The following CCSER1 variants were observed in gnomAD, a reference collection of about 807,000 sequenced individuals.
CCSER1 encodes the protein serine-rich coiled-coil domain-containing protein 1.
Under a neutral mutation model 82.0 loss-of-function variants are expected in CCSER1, and 41 were observed. The observed-to-expected ratio is 0.50, with a 90% CI of 0.39 to 0.65. The LOEUF (loss-of-function observed/expected upper bound fraction) is 0.65, where lower values mean the gene tolerates loss of function less well. Among genes scored for constraint, CCSER1 ranks in the 30% least tolerant of loss-of-function variants. The probability of loss-of-function intolerance (pLI) is 0.00; values close to 1 mark genes in which losing one functional copy is unlikely to be tolerated. For synonymous variants in CCSER1, 414 were observed against 383.9 expected, an observed-to-expected ratio of 1.08 and a Z score of -0.92; for missense variants, 1,119 against 1,064.2, an observed-to-expected ratio of 1.05 and a Z score of -0.72.
intron 9 of CCSER1, among the ~76,000 whole-genome samples, chr4:91,066,838 A>ACC (rs1456114524): frequency 6.6e-6 from 1 of 152,158 alleles, no homozygotes; most frequent in Non-Finnish European, 1.5e-5. Context: ...GCAGCAGGAG[A>ACC]AAGACCTTAT....
rs1007555412 is a variant in CCSER1, at chr4:90,892,993, G to C, written c.2095-30377G>C. 1.5e-4 allele frequency among the ~76,000 whole-genome samples: 23 copies of C among 152,032 alleles called. 1 individual carries two copies. The highest frequency in any genetic ancestry group is 1.5e-3 in the Admixed American group (23 of 15,220). On this transcript the variant is annotated intron_variant, in intron 8 of 10. Coordinates refer to ENST00000509176, the MANE Select transcript of CCSER1 (RefSeq NM_001145065.2). ...GGGCATTTATTTTGTTCAGTTAGTT[G>C]TATATCTTTTGGACTAAACTTCTGA...
At chr4:90,940,779 A>G (rs1731497979) in intron 9 of CCSER1, among the ~76,000 whole-genome samples, 1 of 152,138 alleles carries the variant, frequency 6.6e-6, no homozygotes, top group Non-Finnish European at 1.5e-5. Flanking sequence ...TCATCTTTCA[A>G]ATAAAGAAAC....
chr4:90,234,183 T>A (rs185744142), intron 1 of CCSER1, among the ~76,000 whole-genome samples: 1 of 151,776 alleles, frequency 6.6e-6, no homozygotes, highest in Admixed American at 6.6e-5. Flanking sequence ...TTTATCTGGG[T>A]GGGCCTCTGC....
At chr4:91,008,101 T>C (rs565605023) in intron 9 of CCSER1, among the ~76,000 whole-genome samples, 2 of 152,302 alleles carry the variant, frequency 1.3e-5, no homozygotes, top group East Asian at 1.9e-4. Context: ...ATACTTAATA[T>C]ACTTTTAATT....
intron 7 of CCSER1, among the ~76,000 whole-genome samples, chr4:90,767,937 GCCACCATGCCTGA>G (rs1751496518): frequency 6.6e-6 from 1 of 152,182 alleles, no homozygotes; most frequent in Non-Finnish European, 1.5e-5. Context: ...ATAGGCATGG[GCCACCATGCCTGA>G]CCAAACAAGG....
At chr4:90,428,423 T>C (rs1193955104) in intron 4 of CCSER1, among the ~76,000 whole-genome samples, 1 of 151,914 alleles carries the variant, frequency 6.6e-6, no homozygotes, top group Admixed American at 6.6e-5. Flanking sequence ...AAAACTTAAC[T>C]CTTAATAGCC....
At chr4:91,117,107 A>G (rs923427431) in intron 10 of CCSER1, among the ~76,000 whole-genome samples, 1 of 152,254 alleles carries the variant, frequency 6.6e-6, no homozygotes, top group Admixed American at 6.5e-5. Context: ...TACAAAGCTA[A>G]ACAGAAACAA....
chr4:90,514,708 A>C (rs981498497), intron 5 of CCSER1, among the ~76,000 whole-genome samples: 3 of 152,246 alleles, frequency 2.0e-5, no homozygotes, highest in Admixed American at 6.5e-5. Flanking sequence ...GTGAGCTGGG[A>C]TCGTGCCACT....
At chr4:90,753,186 A>G (rs540573536) in intron 7 of CCSER1, among the ~76,000 whole-genome samples, 8 of 152,250 alleles carry the variant, frequency 5.3e-5, no homozygotes, top group Admixed American at 1.3e-4. Context: ...AAGAGGTTTT[A>G]GTTTTAGGAG....
intron 8 of CCSER1, among the ~76,000 whole-genome samples, chr4:90,882,536 T>G (rs987896083): frequency 6.6e-5 from 10 of 152,058 alleles, no homozygotes; most frequent in African/African-American, 2.2e-4. Flanking sequence ...GAGGCTCAAA[T>G]GAGTTAATAC....
At chr4:90,647,829 A>G (rs1375260071) in intron 6 of CCSER1, among the ~76,000 whole-genome samples, 3 of 152,184 alleles carry the variant, frequency 2.0e-5, no homozygotes, top group Non-Finnish European at 4.4e-5. Context: ...TCAAGATAGT[A>G]AGAAATCCAG....
intron 6 of CCSER1, among the ~76,000 whole-genome samples, chr4:90,666,071 C>T (rs1031668023): frequency 6.6e-6 from 1 of 152,040 alleles, no homozygotes; most frequent in African/African-American, 2.4e-5. Flanking sequence ...ATCTTCAAAC[C>T]GGCAGTTGTG....
chr4:90,394,969 A>G (rs1309792815), intron 3 of CCSER1, among the ~76,000 whole-genome samples: 2 of 152,224 alleles, frequency 1.3e-5, no homozygotes, highest in African/African-American at 2.4e-5. Flanking sequence ...ATTTTCAAGT[A>G]TACAACACAT....
At chr4:91,449,016 C>T (rs1755730352) in intron 10 of CCSER1, among the ~76,000 whole-genome samples, 1 of 152,016 alleles carries the variant, frequency 6.6e-6, no homozygotes, top group Non-Finnish European at 1.5e-5. Flanking sequence ...AGACTCACTA[C>T]TAATGTCACA....
intron 9 of CCSER1, among the ~76,000 whole-genome samples, chr4:90,973,961 A>G (rs1735362219): frequency 6.6e-6 from 1 of 151,602 alleles, no homozygotes; most frequent in Non-Finnish European, 1.5e-5. Context: ...AGCCAGACAC[A>G]GAAAGATAAA....
At chr4:91,236,321 A>C (rs1739005408) in intron 10 of CCSER1, among the ~76,000 whole-genome samples, 1 of 151,460 alleles carries the variant, frequency 6.6e-6, no homozygotes, top group South Asian at 2.1e-4. Context: ...CCCCGTCTCT[A>C]CTAAAAATAC....
chr4:90,445,533 A>G (rs1009703122), intron 4 of CCSER1, among the ~76,000 whole-genome samples: 15 of 152,064 alleles, frequency 9.9e-5, no homozygotes, highest in African/African-American at 9.7e-5. Context: ...TGTAGACATA[A>G]CTTCCATACC....
chr4:90,587,725 A>T lies in CCSER1; in HGVS notation c.1725-40300A>T, dbSNP rs531692617. Among the ~76,000 whole-genome samples the T allele has an allele frequency of 5.3e-5, 8 of 152,338 alleles. No individual in the cohort carries two copies. The South Asian group carries it at 1.4e-3, about 28-fold the overall frequency. ...TGCTTTATTTCTTGTGTAGTCAAAA[A>T]TAATATCCTTTAAATCATTTCCTTA... On this transcript the variant is annotated intron_variant, in intron 5 of 10. Transcript: ENST00000509176.
At chr4:91,384,653 A>G (rs550239413) in intron 10 of CCSER1, among the ~76,000 whole-genome samples, 19 of 152,118 alleles carry the variant, frequency 1.2e-4, no homozygotes, top group Non-Finnish European at 2.5e-4. Context: ...TAATATGACT[A>G]TATAGAAATG....
Sources: allele counts gnomAD v4.1 joint callset (sites outside exome capture counted in the v4.1 genomes callset), GRCh38; gene constraint gnomAD v4.1.1; transcripts MANE v1.5; gene names NCBI Gene and HGNC (gene_info 2026-07-23, HGNC 2026-07-21).